The following PMM1 variants were observed in gnomAD, a reference collection of about 807,000 sequenced individuals.
PMM1 encodes phosphomannomutase 1.
A neutral mutation model predicts 34.0 loss-of-function variants in PMM1; 25 were observed. The ratio of observed to expected loss-of-function variants is 0.73; its 90% CI spans 0.54 to 1.03. The LOEUF is 1.03. PMM1 is among the 50% of genes least tolerant of loss of function. The pLI, the probability that PMM1 is intolerant of heterozygous loss-of-function variation, is 0.00. For synonymous variants in PMM1, 134 were observed against 143.9 expected (o/e 0.93, Z 0.49); for missense variants, 321 against 350.1 (o/e 0.92, Z 0.66).
At chr22:41,586,461 GA>G (rs34565108) in intron 1 of PMM1, 313 of 474,508 alleles carry the variant, frequency 6.6e-4, no homozygotes, top group Non-Finnish European at 7.5e-4. Flanking sequence ...TTGTCTCTAT[GA>G]AAAAAAAAAT....
chr22:41,589,756 A>G lies in PMM1; in HGVS notation c.50T>C (p.Leu17Pro), dbSNP rs2067358673. The G allele has an allele frequency of 1.9e-6, 3 of 1,611,976 alleles. No individual in the cohort carries two copies. The East Asian group carries it at 6.7e-5, about 36-fold the overall frequency. Reference protein sequence around the residue: ...AARRKERVLCLFDVDGTLTPA... With the variant: ...AARRKERVLCPFDVDGTLTPA... ...CGTGAGGGTCCCGTCCACGTCAAAC[A>G]GGCAGAGGACGCGCTCCTTCCTGCG... Residue 17 changes from leucine (L) to proline (P), a missense_variant, in exon 1 of 8, where the codon CTG becomes CCG. Coordinates refer to ENST00000216259, the MANE Select transcript of PMM1 (RefSeq NM_002676.3).
At chr22:41,580,198 G>C (rs1047411991) in intron 5 of PMM1, 1 of 152,292 alleles carries the variant, frequency 6.6e-6, no homozygotes, top group Non-Finnish European at 1.5e-5. Flanking sequence ...CTGTGACCTC[G>C]AGCTGGTTAC....
chr22:41,588,635 G>A (rs1427905655), intron 1 of PMM1: 18 of 985,124 alleles, frequency 1.8e-5, no homozygotes, highest in African/African-American at 7.0e-5. Flanking sequence ...GATTACAGGC[G>A]TGACCCACAA....
At chr22:41,582,374 G>T (rs531231227) in intron 5 of PMM1, among the ~76,000 whole-genome samples, 2 of 152,070 alleles carry the variant, frequency 1.3e-5, no homozygotes, top group Admixed American at 1.3e-4. Flanking sequence ...TGTGAGGATC[G>T]CTTGAGCCTG....
chr22:41,578,038 G>A (rs1308305121), intron 6 of PMM1, 115 bp from the exon 7 acceptor site: 7 of 721,364 alleles, frequency 9.7e-6, no homozygotes, highest in Non-Finnish European at 1.5e-5. Context: ...CTGAGGGCCA[G>A]GAATAGGACA....
intron 1 of PMM1, chr22:41,588,931 C>A: frequency 8.7e-7 from 1 of 1,153,794 alleles, no homozygotes; most frequent in Non-Finnish European, 1.1e-6. Context: ...CTTACTGATG[C>A]ATCCAGCTGG....
chr22:41,581,185 G>A (rs2067243562), intron 5 of PMM1, among the ~76,000 whole-genome samples: 1 of 151,714 alleles, frequency 6.6e-6, no homozygotes, highest in Non-Finnish European at 1.5e-5. Flanking sequence ...TTAGCCAGGT[G>A]TGGTGGCATG....
At chr22:41,589,566 G>GT in intron 1 of PMM1, 153 bp downstream of exon 1, 1 of 653,846 alleles carries the variant, frequency 1.5e-6, no homozygotes, top group Non-Finnish European at 2.7e-6. Context: ...CTCACTCCCG[G>GT]TGGGTGGCCC....
chr22:41,586,122 G>C lies in PMM1; in HGVS notation c.159C>G (p.Gly53=), dbSNP rs746388113. The C allele has an allele frequency of 1.2e-6, 2 of 1,609,264 alleles. No individual in the cohort carries two copies. Among genetic ancestry groups the C allele is most frequent in the Non-Finnish European group, 1.7e-6 (2 of 1,178,324 alleles). ...RSRVQIGVVG[G]SDYCKIAEQL... is the part of the protein sequence containing the mutation. The stretch of plus-strand genomic sequence containing the variant: ...GCTCAGCGATCTTACAGTAGTCAGA[G>C]CCGCCCACCACACCGATCTGCACTC... The change falls in exon 2 of 8, where the codon GGC becomes GGG. Residue 53 remains glycine, a synonymous_variant. Coordinates refer to ENST00000216259, the MANE Select transcript of PMM1 (RefSeq NM_002676.3).
chr22:41,588,996 G>A (rs2067345949), intron 1 of PMM1: 2 of 1,174,494 alleles, frequency 1.7e-6, no homozygotes, highest in Admixed American at 2.3e-5. Context: ...GAAAAACTGA[G>A]CAGAGGTAAG....
chr22:41,581,755 G>C (rs755352468), intron 5 of PMM1, among the ~76,000 whole-genome samples: 5 of 152,140 alleles, frequency 3.3e-5, no homozygotes, highest in Non-Finnish European at 5.9e-5. Context: ...TTGGCAGGCT[G>C]AGGCAGGCGG....
At chr22:41,589,305 C>T in intron 1 of PMM1, 1 of 436,946 alleles carries the variant, frequency 2.3e-6, no homozygotes. Flanking sequence ...GCTTGTGTGC[C>T]TGGAACCCCG....
At position 41,578,808 on chromosome 22, in the gene PMM1, C is replaced by A; in HGVS notation, c.548G>T (p.Arg183Leu). The change falls in exon 6 of 8, where the codon CGA (arginine) becomes CTA (leucine). Residue 183 changes from arginine to leucine, a missense_variant and splice_region_variant. Transcript: ENST00000216259. ...GGTCCTCTGCAGGGTGGACGTACCT[C>A]GAGAGAACCTCAGCCCTTTGCCAGC... ...EFAGKGLRFS[R>L]GGMISFDVFP... is the part of the protein sequence containing the mutation. 6.2e-7 allele frequency: 1 copy of A among 1,613,708 alleles called. No individual in the cohort carries two copies. The highest frequency in any genetic ancestry group is 8.5e-7 in the Non-Finnish European group (1 of 1,179,684).
chr22:41,589,019 G>A (rs1268551471), intron 1 of PMM1: 2 of 1,225,750 alleles, frequency 1.6e-6, no homozygotes, highest in Admixed American at 4.6e-5. Flanking sequence ...GCTCAACACA[G>A]CGAGAGTCTT....
chr22:41,588,455 G>A (rs892909814), intron 1 of PMM1, among the ~76,000 whole-genome samples: 2 of 152,236 alleles, frequency 1.3e-5, no homozygotes, highest in Non-Finnish European at 2.9e-5. Flanking sequence ...TCCTGACATC[G>A]TGATCTGTCT....
At chr22:41,588,393 G>T (rs932930310) in intron 1 of PMM1, among the ~76,000 whole-genome samples, 2 of 152,188 alleles carry the variant, frequency 1.3e-5, no homozygotes, top group African/African-American at 2.4e-5. Flanking sequence ...CTAATTTTTT[G>T]TATTTTTAGT....
At chr22:41,587,205 G>A (rs1003767733) in intron 1 of PMM1, among the ~76,000 whole-genome samples, 2 of 151,570 alleles carry the variant, frequency 1.3e-5, no homozygotes, top group African/African-American at 4.8e-5. Flanking sequence ...GGGAGGCAGA[G>A]CTTGCAGTGA....
At chr22:41,585,971 C>T (rs2067302432) in intron 2 of PMM1, 105 bp downstream of exon 2, 2 of 824,292 alleles carry the variant, frequency 2.4e-6, no homozygotes, top group Non-Finnish European at 3.9e-6. Context: ...TATCTGGCTG[C>T]TCTCTCTCTA....
intron 2 of PMM1, 54 bp from the exon 3 acceptor site, chr22:41,584,657 G>T: frequency 7.6e-7 from 1 of 1,324,172 alleles, no homozygotes; most frequent in Non-Finnish European, 1.1e-6. Context: ...CCACGTCTGT[G>T]ACCCCACGGG....
Sources: allele counts gnomAD v4.1 joint callset (sites outside exome capture counted in the v4.1 genomes callset), GRCh38; gene constraint gnomAD v4.1.1; transcripts MANE v1.5; gene names NCBI Gene and HGNC (gene_info 2026-07-23, HGNC 2026-07-21).